Variants in OBP2B observed in about 807,000 individuals in gnomAD.
OBP2B encodes the protein odorant-binding protein 2b.
In OBP2B, 10 loss-of-function variants were observed where a neutral mutation model predicts 21.7. The observed-to-expected ratio is 0.46, with a 90% CI of 0.28 to 0.78. The LOEUF (loss-of-function observed/expected upper bound fraction) is 0.78. Ranked by LOEUF, OBP2B falls within the 30% of genes least tolerant of loss-of-function variation. OBP2B has a pLI of 0.11. For synonymous variants in OBP2B, 73 were observed against 91.5 expected, an observed-to-expected ratio of 0.80 and a Z score of 1.16; for missense variants, 153 against 217.7, an observed-to-expected ratio of 0.70 and a Z score of 1.87.
upstream of OBP2B, among the ~76,000 whole-genome samples, chr9:133,209,439 T>G (rs1258015593): frequency 6.6e-6 from 1 of 151,946 alleles, no homozygotes; most frequent in African/African-American, 2.4e-5. The surrounding 1 kb of genome is among the most constrained non-coding windows in gnomAD (Gnocchi z 6.0). Context: ...CACGATGCCA[T>G]CCAGAGTTTG....
the OBP2B span, among the ~76,000 whole-genome samples, chr9:133,220,514 G>A: frequency 2.6e-4 from 40 of 151,712 alleles, no homozygotes; most frequent in African/African-American, 9.2e-4. Context: ...CTGTGGATGT[G>A]TGTATGTGGT....
chr9:133,217,782 G>T, the OBP2B span, among the ~76,000 whole-genome samples: 1 of 152,198 alleles, frequency 6.6e-6, no homozygotes, highest in South Asian at 2.1e-4. Flanking sequence ...AACTTCTCCA[G>T]CTTCCCTTGG....
At chr9:133,210,606 T>C (rs1416566622), upstream of OBP2B, among the ~76,000 whole-genome samples, 1 of 152,218 alleles carries the variant, frequency 6.6e-6, no homozygotes, top group Non-Finnish European at 1.5e-5. Flanking sequence ...TGGTTGTTTG[T>C]GAATCATTGA....
chr9:133,207,061 C>T (rs1833742932), intron 4 of OBP2B, among the ~76,000 whole-genome samples, 165 bp downstream of exon 4: 1 of 152,146 alleles, frequency 6.6e-6, no homozygotes, highest in East Asian at 1.9e-4. Flanking sequence ...CCATCCCATT[C>T]CCACTTCAGG....
chr9:133,222,080 C>A, the OBP2B span, among the ~76,000 whole-genome samples: 34 of 151,916 alleles, frequency 2.2e-4, no homozygotes, highest in African/African-American at 7.5e-4. Context: ...CCAGGAGAAC[C>A]GCGCTCCAAT....
chr9:133,213,715 A>C (rs2119411129), upstream of OBP2B, among the ~76,000 whole-genome samples: 1 of 152,374 alleles, frequency 6.6e-6, no homozygotes, highest in South Asian at 2.1e-4. Context: ...CCAATTTCTC[A>C]AAAAACACAA....
chr9:133,208,099 G>A (rs1279476560), intron 3 of OBP2B, 34 bp downstream of exon 3: 1 of 1,539,864 alleles, frequency 6.5e-7, no homozygotes, highest in Non-Finnish European at 8.8e-7. Context: ...TGGCGGTGGG[G>A]GAGGGTGGGG....
At chr9:133,205,880 C>T in intron 6 of OBP2B, 37 bp downstream of exon 6, 1 of 1,613,854 alleles carries the variant, frequency 6.2e-7, no homozygotes, top group East Asian at 2.2e-5. Flanking sequence ...ACCCAGGACT[C>T]TGGGCTTGTC....
chr9:133,207,330 C>T lies in OBP2B; in HGVS notation c.284G>A (p.Gly95Asp), dbSNP rs782279872. 2 of 1,606,622 alleles carry T rather than the reference C, an allele frequency of 1.2e-6. No homozygotes were observed. Among genetic ancestry groups the T allele is most frequent in the South Asian group, 2.2e-5 (2 of 90,860 alleles). Residue 95 changes from glycine (G) to aspartate (D), a missense_variant, in exon 4 of 7, where the codon GGC becomes GAC. By Grantham distance (94) the Gly-to-Asp change is moderately conservative (BLOSUM62 -1). Transcript: ENST00000372034. Reference protein sequence around the residue: ...EEPGKYSAYGGRKLMYLQELP... With the variant: ...EEPGKYSAYGDRKLMYLQELP... ...CTCCTGCAGGTACATGAGCTTCCTG[C>T]CCCCATCTGTAGATGACAGAGAAAA...
chr9:133,211,883 G>A (rs1222131495), upstream of OBP2B, among the ~76,000 whole-genome samples: 7 of 152,012 alleles, frequency 4.6e-5, no homozygotes, highest in African/African-American at 1.5e-4. Context: ...AAATGTAAAT[G>A]GTTTAAATAT....
chr9:133,206,385 C>T lies in OBP2B; in HGVS notation c.420G>A (p.Leu140=). 6.2e-7 allele frequency: 1 copy of T among 1,614,060 alleles called. No homozygotes were observed. Among genetic ancestry groups the T allele is most frequent in the Non-Finnish European group, 8.5e-7 (1 of 1,180,006 alleles). Residue 140 remains leucine, a synonymous_variant, in exon 5 of 7, where the codon CTG becomes CTA. Transcript: ENST00000372034. ...GCTGCACCAATTTCTTAAATTCTTC[C>T]AGGGCCTCCCGGTTGGTATCAGAAT... The part of the protein sequence containing the change: ...GRNSDTNREA[L]EEFKKLVQRK...
upstream of OBP2B, among the ~76,000 whole-genome samples, chr9:133,209,561 C>T (rs1403674430): frequency 6.6e-6 from 1 of 152,206 alleles, no homozygotes; most frequent in African/African-American, 2.4e-5. The surrounding 1 kb of genome is among the most constrained non-coding windows in gnomAD (Gnocchi z 6.0). Context: ...CCTCGGGATA[C>T]TCCCTCACCA....
upstream of OBP2B, among the ~76,000 whole-genome samples, chr9:133,214,209 T>C (rs1224232023): frequency 6.6e-6 from 1 of 152,250 alleles, no homozygotes. Context: ...GAGAACCTCC[T>C]TAACTTGACA....
the OBP2B span, among the ~76,000 whole-genome samples, chr9:133,219,749 A>G: frequency 2.0e-5 from 3 of 152,336 alleles, no homozygotes; most frequent in Admixed American, 2.0e-4. Context: ...TTAATACCAT[A>G]TGACCCAGCA....
Position 133,206,651 on chromosome 9 carries a change from G to C in OBP2B, c.389-235C>G, listed in dbSNP as rs782101907. ...CTCTGGGGTGGGGCCGGGGACAGAA[G>C]AGATGGCCATAGCCCAGCACCGGAC... is the stretch of plus-strand genomic sequence containing the variant. On this transcript the variant is annotated intron_variant, in intron 4 of 6. Transcript: ENST00000372034. Among the ~76,000 whole-genome samples, 616 of 151,662 alleles carry C rather than the reference G, an allele frequency of 4.1e-3. 3 individuals are homozygous for C. Among genetic ancestry groups the C allele is most frequent in the African/African-American group, 0.014 (594 of 41,292 alleles).
chr9:133,216,772 A>G, the OBP2B span, among the ~76,000 whole-genome samples: 1 of 152,140 alleles, frequency 6.6e-6, no homozygotes, highest in South Asian at 2.1e-4. Context: ...CAATCCCACA[A>G]TTTTATGATT....
chr9:133,206,589 A>C, intron 4 of OBP2B, 173 bp from the exon 5 acceptor site: 1 of 777,082 alleles, frequency 1.3e-6, no homozygotes, highest in Non-Finnish European at 2.1e-6. Context: ...ACTGCCCAGC[A>C]CCAGGACAAG....
chr9:133,205,499 C>T (rs546212789), intron 6 of OBP2B, 88 bp from the exon 7 acceptor site: 10 of 918,774 alleles, frequency 1.1e-5, no homozygotes, highest in African/African-American at 3.4e-5. Context: ...CTCTGCAGCC[C>T]CCACATCGGC....
At chr9:133,206,721 G>A (rs1443169834) in intron 4 of OBP2B, among the ~76,000 whole-genome samples, 5 of 151,526 alleles carry the variant, frequency 3.3e-5, no homozygotes, top group Non-Finnish European at 5.9e-5. Context: ...TCAGGGGTGG[G>A]ACTGGGGACA....
Sources: gnomAD v4.1 joint callset for allele counts (sites outside exome capture counted in the v4.1 genomes callset) on GRCh38, gnomAD v4.1.1 for gene constraint, Gnocchi (gnomAD v3.1) non-coding constraint, MANE v1.5 for transcripts, NCBI Gene and HGNC (gene_info 2026-07-23, HGNC 2026-07-21) for gene names.